The following CEP70 variants were observed in gnomAD, a reference collection of about 807,000 sequenced individuals.
The protein encoded by CEP70 is centrosomal protein of 70 kDa.
CEP70 carries 70 observed loss-of-function variants against 90.9 expected under a neutral mutation model. The observed-to-expected ratio is 0.77, with a 90% CI of 0.64 to 0.94. The LOEUF is 0.94. CEP70 is among the 40% of genes least tolerant of loss of function. The probability of loss-of-function intolerance (pLI) is 0.00; values close to 1 mark genes in which losing one functional copy is unlikely to be tolerated. For synonymous variants in CEP70, 220 were observed against 228.3 expected, an observed-to-expected ratio of 0.96 and a Z score of 0.33; for missense variants, 648 against 669.0, an observed-to-expected ratio of 0.97 and a Z score of 0.35.
intron 2 of CEP70, 103 bp downstream of exon 2, chr3:138,591,751 C>T: frequency 1.0e-6 from 1 of 989,446 alleles, no homozygotes; most frequent in Non-Finnish European, 1.5e-6. Context: ...ATCAGGAAGT[C>T]AAAAGGAAAT....
At chr3:138,520,933 T>G (rs189314906) in intron 11 of CEP70, among the ~76,000 whole-genome samples, 26 of 152,212 alleles carry the variant, frequency 1.7e-4, no homozygotes, top group Non-Finnish European at 3.5e-4. Context: ...CTCAGCCTGC[T>G]GAGTGCCTGG....
At chr3:138,542,599 A>C (rs2038862276) in intron 6 of CEP70, among the ~76,000 whole-genome samples, 1 of 152,154 alleles carries the variant, frequency 6.6e-6, no homozygotes, top group Non-Finnish European at 1.5e-5. Flanking sequence ...ACCAGGTGCC[A>C]GTGGAGGGTG....
At chr3:138,515,949 T>A (rs1027672421) in intron 11 of CEP70, among the ~76,000 whole-genome samples, 1 of 152,086 alleles carries the variant, frequency 6.6e-6, no homozygotes, top group African/African-American at 2.4e-5. Context: ...GACTCTTCCT[T>A]TTCCCCCACA....
intron 11 of CEP70, among the ~76,000 whole-genome samples, chr3:138,520,720 A>G (rs977293270): frequency 3.9e-5 from 6 of 152,336 alleles, no homozygotes; most frequent in Non-Finnish European, 5.9e-5. Context: ...AAATGCCCAC[A>G]AGAGAAAGCA....
At chr3:138,529,501 A>G (rs1323526391) in intron 8 of CEP70, 39 bp from the exon 9 acceptor site, 1 of 1,277,252 alleles carries the variant, frequency 7.8e-7, no homozygotes, top group Non-Finnish European at 1.1e-6. Context: ...TGAAAAATCT[A>G]TCTTCAAAGA....
chr3:138,529,483 T>C, intron 8 of CEP70, 21 bp from the exon 9 acceptor site: 1 of 1,415,078 alleles, frequency 7.1e-7, no homozygotes, highest in Non-Finnish European at 9.8e-7. Flanking sequence ...ATGTATGCAG[T>C]ATACTTATGA....
intron 2 of CEP70, among the ~76,000 whole-genome samples, chr3:138,581,694 C>CAAAAAAAAAAAAAAAAAAA (rs35064874): frequency 1.1e-4 from 9 of 79,336 alleles, no homozygotes; most frequent in South Asian, 4.5e-4. Context: ...AAACTTGTCT[C>CAAAAAAAAAAAAAAAAAAA]AAAAAAAAAA....
At chr3:138,502,104 A>G (rs774657630) in intron 13 of CEP70, among the ~76,000 whole-genome samples, 18 of 152,228 alleles carry the variant, frequency 1.2e-4, no homozygotes, top group Non-Finnish European at 2.6e-4. Flanking sequence ...TAGTATGGAA[A>G]GTGAAAAGAA....
Position 138,535,808 on chromosome 3 carries a change from C to T in CEP70, c.635+1370G>A, listed in dbSNP as rs192422381. Reference sequence around the variant, plus strand: ...CTTCCAATTTCTCTCTTCTTCTTCCCACTGTAGTTCTCTCTCCCTCACCTC... The same window carrying T: ...CTTCCAATTTCTCTCTTCTTCTTCCTACTGTAGTTCTCTCTCCCTCACCTC... On this transcript the variant is annotated intron_variant, in intron 7 of 17. Coordinates refer to ENST00000264982, the MANE Select transcript of CEP70 (RefSeq NM_024491.4). Among the ~76,000 whole-genome samples the T allele has an allele frequency of 4.4e-3, 672 of 151,944 alleles. 4 individuals carry two copies. The highest frequency in any genetic ancestry group is 4.8e-3 in the Non-Finnish European group (327 of 67,882).
chr3:138,521,985 C>T (rs1307914216), intron 11 of CEP70, among the ~76,000 whole-genome samples: 1 of 152,124 alleles, frequency 6.6e-6, no homozygotes, highest in East Asian at 1.9e-4. Flanking sequence ...TAACCTTACC[C>T]CCAACCCCTT....
intron 6 of CEP70, among the ~76,000 whole-genome samples, chr3:138,545,319 A>G (rs2039100469): frequency 6.6e-6 from 1 of 152,158 alleles, no homozygotes; most frequent in Non-Finnish European, 1.5e-5. Context: ...CTTTACTGCA[A>G]TCTCTGAACA....
At chr3:138,497,323 C>T in intron 17 of CEP70, 1 of 1,250,312 alleles carries the variant, frequency 8.0e-7, no homozygotes, top group Admixed American at 2.8e-5. Flanking sequence ...AAGCAAAGAG[C>T]CATTCTTTAA....
At chr3:138,534,111 T>A (rs563408057) in intron 7 of CEP70, among the ~76,000 whole-genome samples, 2 of 152,350 alleles carry the variant, frequency 1.3e-5, no homozygotes, top group East Asian at 3.9e-4. Context: ...TTATTGCTTT[T>A]GTGATTTAAA....
At chr3:138,548,350 T>C (rs1323472006) in intron 6 of CEP70, among the ~76,000 whole-genome samples, 1 of 152,216 alleles carries the variant, frequency 6.6e-6, no homozygotes. Flanking sequence ...ACTCACTTCT[T>C]TGGTTTTCCT....
chr3:138,558,760 T>G (rs1157094897), intron 6 of CEP70, among the ~76,000 whole-genome samples: 1 of 152,198 alleles, frequency 6.6e-6, no homozygotes, highest in Non-Finnish European at 1.5e-5. Flanking sequence ...TCTCAACTTA[T>G]TTCTACAACT....
chr3:138,545,759 A>C (rs2039142858), intron 6 of CEP70, among the ~76,000 whole-genome samples: 1 of 152,066 alleles, frequency 6.6e-6, no homozygotes, highest in Admixed American at 6.6e-5. Flanking sequence ...CCGCTCTGGG[A>C]GTGTCTGTCT....
intron 6 of CEP70, among the ~76,000 whole-genome samples, chr3:138,546,314 A>T (rs1392766347): frequency 1.3e-5 from 2 of 152,244 alleles, no homozygotes; most frequent in Non-Finnish European, 2.9e-5. Context: ...AAAAAGAGTC[A>T]GTATGTACCC....
At chr3:138,570,278 G>C (rs776964003) in intron 6 of CEP70, 40 bp downstream of exon 6, 1 of 1,362,444 alleles carries the variant, frequency 7.3e-7, no homozygotes. Context: ...AGCTGTTTTA[G>C]TACTAACTAA....
intron 6 of CEP70, among the ~76,000 whole-genome samples, chr3:138,564,320 T>C (rs970539524): frequency 6.6e-6 from 1 of 152,084 alleles, no homozygotes; most frequent in Non-Finnish European, 1.5e-5. Flanking sequence ...CAATAGAAGA[T>C]AAGGGAATCC....
Sources: gnomAD v4.1 joint callset for allele counts (sites outside exome capture counted in the v4.1 genomes callset) on GRCh38, gnomAD v4.1.1 for gene constraint, MANE v1.5 for transcripts, NCBI Gene and HGNC (gene_info 2026-07-23, HGNC 2026-07-21) for gene names.